PHACTR4: variants seen among roughly 807,000 people sequenced by gnomAD.
PHACTR4 encodes the protein protein phosphatase 1, regulatory subunit 124.
In PHACTR4, 51 loss-of-function variants were observed where a neutral mutation model predicts 72.7. The ratio of observed to expected loss-of-function variants is 0.70; its 90% confidence interval spans 0.56 to 0.89. The LOEUF is 0.89. Among genes scored for constraint, PHACTR4 ranks in the 40% least tolerant of loss-of-function variants. The pLI, the probability that PHACTR4 is intolerant of heterozygous loss-of-function variation, is 0.00. For synonymous variants in PHACTR4, 255 were observed against 302.5 expected (o/e 0.84, Z 1.63); for missense variants, 731 against 861.8 (o/e 0.85, Z 1.90).
chr1:28,398,155 A>G (rs564174759), intron 1 of PHACTR4, among the ~76,000 whole-genome samples: 28 of 152,280 alleles, frequency 1.8e-4, no homozygotes, highest in Non-Finnish European at 3.8e-4. Flanking sequence ...AGGATAATAT[A>G]TTTTAGAATT....
chr1:28,409,863 G>GGGGGA (rs1654640619), intron 2 of PHACTR4, among the ~76,000 whole-genome samples: 1 of 150,238 alleles, frequency 6.7e-6, no homozygotes. Flanking sequence ...TAGTTTTTAG[G>GGGGGA]ATTATGCCTA....
intron 2 of PHACTR4, among the ~76,000 whole-genome samples, chr1:28,442,177 A>AT (rs1236242477): frequency 6.6e-6 from 1 of 151,894 alleles, no homozygotes; most frequent in Non-Finnish European, 1.5e-5. Context: ...TTTTAAATGT[A>AT]TTTTTTTGGC....
intron 1 of PHACTR4, among the ~76,000 whole-genome samples, chr1:28,387,259 CAAAAA>C (rs11431699): frequency 5.2e-5 from 5 of 96,504 alleles, no homozygotes; most frequent in Non-Finnish European, 6.3e-5. Flanking sequence ...GACCCTGTCT[CAAAAA>C]AAAAAAAAAA....
chr1:28,440,300 T>G (rs1656915935), intron 2 of PHACTR4, among the ~76,000 whole-genome samples: 1 of 65,154 alleles, frequency 1.5e-5, no homozygotes, highest in African/African-American at 7.2e-5. Context: ...AAACTCCGTC[T>G]CAAAAAGAAA....
At chr1:28,470,222 A>T (rs761785609) in intron 6 of PHACTR4, among the ~76,000 whole-genome samples, 5 of 151,914 alleles carry the variant, frequency 3.3e-5, no homozygotes, top group Non-Finnish European at 4.4e-5. Flanking sequence ...GCAAGACCCC[A>T]TCTCTATAAA....
intron 2 of PHACTR4, among the ~76,000 whole-genome samples, chr1:28,429,067 G>A (rs1237725264): frequency 1.3e-5 from 2 of 152,140 alleles, no homozygotes; most frequent in African/African-American, 4.8e-5. Context: ...TAGAATAGGA[G>A]GCAGTTTGTT....
chr1:28,496,203 C>T (rs570297271), intron 13 of PHACTR4, among the ~76,000 whole-genome samples: 163 of 151,726 alleles, frequency 1.1e-3, no homozygotes, highest in African/African-American at 3.7e-3. Flanking sequence ...ACTACAGGTG[C>T]GCGCCACCAC....
At chr1:28,382,866 T>C (rs2124152836) in intron 1 of PHACTR4, among the ~76,000 whole-genome samples, 1 of 152,178 alleles carries the variant, frequency 6.6e-6, no homozygotes, top group African/African-American at 2.4e-5. Context: ...CGATCTTGGC[T>C]CACTGCAACC....
At chr1:28,374,001 A>G (rs967384561) in intron 1 of PHACTR4, among the ~76,000 whole-genome samples, 2 of 152,372 alleles carry the variant, frequency 1.3e-5, no homozygotes, top group East Asian at 3.9e-4. Flanking sequence ...AATATTGGAG[A>G]AAATGGAAAA....
At chr1:28,447,107 T>TTC (rs1657534873) in intron 2 of PHACTR4, among the ~76,000 whole-genome samples, 1 of 151,796 alleles carries the variant, frequency 6.6e-6, no homozygotes, top group Admixed American at 6.6e-5. Context: ...ACCTCCTGGG[T>TTC]TCAAAGTAAT....
chr1:28,382,856 C>T (rs976974256), intron 1 of PHACTR4, among the ~76,000 whole-genome samples: 4 of 152,002 alleles, frequency 2.6e-5, no homozygotes, highest in Admixed American at 1.3e-4. Flanking sequence ...TACAGTGGCA[C>T]GATCTTGGCT....
intron 2 of PHACTR4, among the ~76,000 whole-genome samples, chr1:28,432,635 TG>T (rs1252773427): frequency 6.6e-6 from 1 of 151,934 alleles, no homozygotes; most frequent in African/African-American, 2.4e-5. Flanking sequence ...AGACTCTGTC[TG>T]TAAAAAAAAA....
At chr1:28,459,356 A>T in intron 3 of PHACTR4, 98 bp downstream of exon 3, 4 of 901,318 alleles carry the variant, frequency 4.4e-6, no homozygotes, top group South Asian at 1.9e-5. Context: ...GTAGTCCTCT[A>T]TTTGAAGAGG....
At chr1:28,430,155 T>G (rs898264903) in intron 2 of PHACTR4, among the ~76,000 whole-genome samples, 2 of 152,080 alleles carry the variant, frequency 1.3e-5, no homozygotes, top group Admixed American at 1.3e-4. Flanking sequence ...CCCGAGTAGC[T>G]GGGACTACAG....
chr1:28,377,645 A>G (rs1651789986), intron 1 of PHACTR4, among the ~76,000 whole-genome samples: 1 of 152,052 alleles, frequency 6.6e-6, no homozygotes, highest in South Asian at 2.1e-4. Flanking sequence ...CCTGGCCAAC[A>G]TGGCAGAACC....
At position 28,465,576 on chromosome 1, in the gene PHACTR4, C is replaced by A. The variant is rs1570041095; in HGVS notation, c.272-109C>A. The A allele has an allele frequency of 2.6e-6, 3 of 1,161,358 alleles. No homozygotes were observed. In the East Asian group the frequency reaches 7.3e-5, roughly 28 times the overall value. The allele number at this position is 1,161,358 out of a possible 1,614,324, so 71.9% of individuals were successfully genotyped here. On this transcript the variant is annotated intron_variant, in intron 4 of 13. Transcript: ENST00000373839. ...GACCAGCCTGGGCAACATAGTGAGA[C>A]CCTGTCTCAATTTAAAAAAGAGAGA...
At chr1:28,436,126 T>TAATA (rs1370925731) in intron 2 of PHACTR4, among the ~76,000 whole-genome samples, 1 of 152,148 alleles carries the variant, frequency 6.6e-6, no homozygotes, top group Non-Finnish European at 1.5e-5. Context: ...GGGGCTAAGA[T>TAATA]AATAGAGAAG....
intron 2 of PHACTR4, among the ~76,000 whole-genome samples, chr1:28,421,469 A>G (rs1321568973): frequency 6.6e-6 from 1 of 151,950 alleles, no homozygotes; most frequent in Non-Finnish European, 1.5e-5. Flanking sequence ...TCAGATTGTA[A>G]TCTATAGCTA....
chr1:28,493,144 A>G, intron 13 of PHACTR4, 53 bp downstream of exon 13: 1 of 1,488,344 alleles, frequency 6.7e-7, no homozygotes, highest in East Asian at 2.3e-5. Flanking sequence ...TTTCCAAAAA[A>G]TTGTTCAGAT....
Sources: allele counts gnomAD v4.1 joint callset (sites outside exome capture counted in the v4.1 genomes callset), GRCh38; gene constraint gnomAD v4.1.1; transcripts MANE v1.5; gene names NCBI Gene and HGNC (gene_info 2026-07-23, HGNC 2026-07-21).